PPP2R2B: variants seen among roughly 807,000 people sequenced by gnomAD.
PPP2R2B encodes the protein protein phosphatase 2 regulatory subunit Bbeta.
PPP2R2B carries 5 observed loss-of-function variants against 46.0 expected under a neutral mutation model. The observed-to-expected ratio is 0.11, with a 90% CI of 0.06 to 0.23. The LOEUF (loss-of-function observed/expected upper bound fraction) is 0.23, where lower values mean the gene tolerates loss of function less well. Among genes scored for constraint, PPP2R2B ranks in the 10% least tolerant of loss-of-function variants. The pLI is 1.00. For missense variants in PPP2R2B, 367 were observed against 575.0 expected (o/e 0.64, Z 3.70); for synonymous variants, 215 against 206.7 (o/e 1.04, Z -0.34).
Position 146,706,367 on chromosome 5 carries a change from C to T in PPP2R2B, c.71-5225G>A, listed in dbSNP as rs11957376. 1.5e-3 allele frequency: 961 copies of T among 634,370 alleles called. 8 individuals are homozygous for T. The African/African-American group carries it at 0.016, about 11-fold the overall frequency. The allele number at this position is 634,370 out of a possible 1,614,324, so 39.3% of individuals were successfully genotyped here. ...GTAGCTGAGGCCAGAGCCTGTGAGG[C>T]CCCCATAGGCCAAGCTCACACCACC... is the stretch of plus-strand genomic sequence containing the variant. On this transcript the variant is annotated intron_variant, in intron 2 of 9. Transcript: ENST00000394411.
chr5:146,882,428 A>G (rs1054693275), upstream of PPP2R2B, among the ~76,000 whole-genome samples: 1 of 152,238 alleles, frequency 6.6e-6, no homozygotes, highest in African/African-American at 2.4e-5. Flanking sequence ...ACTATAGTGC[A>G]ATGTTAAGTG....
At chr5:146,628,235 G>C (rs541538380) in intron 7 of PPP2R2B, among the ~76,000 whole-genome samples, 3 of 152,102 alleles carry the variant, frequency 2.0e-5, no homozygotes, top group African/African-American at 7.2e-5. Flanking sequence ...GTAAGCCACT[G>C]CACCTGGCCT....
chr5:146,693,841 T>C (rs1779022502), intron 4 of PPP2R2B, among the ~76,000 whole-genome samples: 2 of 152,248 alleles, frequency 1.3e-5, no homozygotes, highest in Non-Finnish European at 1.5e-5. Context: ...TCTGCCATAA[T>C]AACATGTTGC....
intron 1 of PPP2R2B, among the ~76,000 whole-genome samples, chr5:146,940,418 T>A (rs529222003): frequency 3.1e-4 from 47 of 152,232 alleles, no homozygotes; most frequent in African/African-American, 9.9e-4. Flanking sequence ...TGCTTTCATT[T>A]TGGATTGTGA....
In PPP2R2B at chr5:146,732,092, C is replaced by T. The variant is rs547505420; in HGVS notation, c.71-30950G>A. Among the ~76,000 whole-genome samples, 3 of 152,266 alleles carry T rather than the reference C, an allele frequency of 2.0e-5. No homozygotes were observed. The East Asian group carries it at 5.8e-4, about 29-fold the overall frequency. ...ATGACTCAGGCCTCCTGGAAAAGTC[C>T]TTGATGCTGACTCATTCATTATCAC... On this transcript the variant is annotated intron_variant, in intron 2 of 9. Transcript: ENST00000394411.
At chr5:146,652,301 G>A (rs1776024961) in intron 5 of PPP2R2B, among the ~76,000 whole-genome samples, 1 of 152,102 alleles carries the variant, frequency 6.6e-6, no homozygotes. Flanking sequence ...GGGTGGTTTG[G>A]GGTTTTGTTG....
intron 5 of PPP2R2B, among the ~76,000 whole-genome samples, chr5:146,670,325 G>A (rs1045045727): frequency 6.6e-6 from 1 of 152,002 alleles, no homozygotes; most frequent in Admixed American, 6.6e-5. Context: ...TACAGACTTC[G>A]AGATGAACTC....
chr5:146,888,999 A>C (rs1433324575), intron 1 of PPP2R2B, among the ~76,000 whole-genome samples: 1 of 152,250 alleles, frequency 6.6e-6, no homozygotes, highest in East Asian at 1.9e-4. Flanking sequence ...TGGTTATTAC[A>C]GCAGTAGAAC....
intron 1 of PPP2R2B, among the ~76,000 whole-genome samples, chr5:146,949,065 C>T (rs1174286796): frequency 6.6e-6 from 1 of 151,984 alleles, no homozygotes; most frequent in Non-Finnish European, 1.5e-5. Flanking sequence ...TAACTTTTTG[C>T]CTGAATAGGT....
At chr5:146,820,895 T>G (rs929862433) in intron 2 of PPP2R2B, among the ~76,000 whole-genome samples, 8 of 152,160 alleles carry the variant, frequency 5.3e-5, no homozygotes, top group Non-Finnish European at 1.5e-5. Context: ...CTACTAATTC[T>G]ATCTCAAAAT....
At chr5:146,621,024 A>T (rs734126) in intron 7 of PPP2R2B, among the ~76,000 whole-genome samples, 2 of 152,196 alleles carry the variant, frequency 1.3e-5, no homozygotes, top group Non-Finnish European at 2.9e-5. Context: ...GCAGCTCCCC[A>T]CTGACAGTGA....
chr5:146,782,958 GA>G (rs956316847), intron 2 of PPP2R2B, among the ~76,000 whole-genome samples: 20 of 151,878 alleles, frequency 1.3e-4, no homozygotes, highest in South Asian at 6.2e-4. Context: ...AATCGATATG[GA>G]AAAAAAATCC....
intron 2 of PPP2R2B, among the ~76,000 whole-genome samples, chr5:146,724,429 C>T (rs1751717430): frequency 6.6e-6 from 1 of 152,000 alleles, no homozygotes; most frequent in African/African-American, 2.4e-5. Flanking sequence ...AAAGCTTATG[C>T]CCTTGATGTT....
intron 1 of PPP2R2B, among the ~76,000 whole-genome samples, chr5:147,009,634 G>T (rs1046749661): frequency 1.3e-5 from 2 of 151,946 alleles, no homozygotes; most frequent in Non-Finnish European, 2.9e-5. Flanking sequence ...TTTAGGACAT[G>T]CAAGCTACAC....
chr5:147,066,619 T>G (rs1488307580), intron 2 of PPP2R2B, among the ~76,000 whole-genome samples: 1 of 152,174 alleles, frequency 6.6e-6, no homozygotes, highest in African/African-American at 2.4e-5. Flanking sequence ...CTGACCATAA[T>G]TTTTCTTCAA....
At chr5:146,790,914 T>A (rs1756158346) in intron 2 of PPP2R2B, among the ~76,000 whole-genome samples, 1 of 152,202 alleles carries the variant, frequency 6.6e-6, no homozygotes, top group Non-Finnish European at 1.5e-5. Context: ...TTCTGAACTA[T>A]ACTAGAGTAG....
chr5:146,680,289 G>A (rs539394681), intron 5 of PPP2R2B, among the ~76,000 whole-genome samples: 110 of 148,364 alleles, frequency 7.4e-4, no homozygotes, highest in East Asian at 1.4e-3. Flanking sequence ...GTAAACTATC[G>A]CAAGAACAAA....
At chr5:147,056,836 A>G (rs913648509), upstream of PPP2R2B, among the ~76,000 whole-genome samples, 1 of 152,190 alleles carries the variant, frequency 6.6e-6, no homozygotes, top group Non-Finnish European at 1.5e-5. Context: ...GGAAGGCAAG[A>G]AAGCACAGGG....
intron 8 of PPP2R2B, among the ~76,000 whole-genome samples, chr5:146,597,768 C>A (rs1771330131): frequency 6.6e-6 from 1 of 152,200 alleles, no homozygotes; most frequent in Non-Finnish European, 1.5e-5. Context: ...GACCTTACTA[C>A]TTATTTTACT....
Sources: allele counts gnomAD v4.1 joint callset (sites outside exome capture counted in the v4.1 genomes callset), GRCh38; gene constraint gnomAD v4.1.1; transcripts MANE v1.5; gene names NCBI Gene and HGNC (gene_info 2026-07-23, HGNC 2026-07-21).